The following ELOVL5 variants were observed in gnomAD, a reference collection of about 807,000 sequenced individuals.
ELOVL5 encodes the protein ELOVL fatty acid elongase 5.
A neutral mutation model predicts 38.6 loss-of-function variants in ELOVL5; 8 were observed. That is an observed-to-expected ratio of 0.21 (90% CI 0.12 to 0.37). The LOEUF (loss-of-function observed/expected upper bound fraction) is 0.37, where lower values mean the gene tolerates loss of function less well. ELOVL5 is among the 10% of genes least tolerant of loss of function. ELOVL5 has a pLI of 1.00. For missense variants in ELOVL5, 280 were observed against 367.8 expected, an observed-to-expected ratio of 0.76 and a Z score of 1.95; for synonymous variants, 127 against 133.7, an observed-to-expected ratio of 0.95 and a Z score of 0.34.
At chr6:53,290,242 G>C (rs1766724493) in intron 3 of ELOVL5, 1 of 152,196 alleles carries the variant, frequency 6.6e-6, no homozygotes, top group African/African-American at 2.4e-5. Context: ...TAGGGCTTAA[G>C]AAACATTTAA....
chr6:53,302,615 T>A (rs894538953), intron 1 of ELOVL5, among the ~76,000 whole-genome samples: 4 of 151,576 alleles, frequency 2.6e-5, no homozygotes, highest in African/African-American at 9.7e-5. Context: ...AAATCTGTTT[T>A]AAAAGGTATC....
chr6:53,278,380 G>A (rs573208949), intron 3 of ELOVL5, among the ~76,000 whole-genome samples: 3 of 152,238 alleles, frequency 2.0e-5, no homozygotes, highest in African/African-American at 4.8e-5. Context: ...TTCTGCAGGC[G>A]CCTCAATCCC....
chr6:53,302,584 A>G (rs1767301516), intron 1 of ELOVL5, among the ~76,000 whole-genome samples: 1 of 152,158 alleles, frequency 6.6e-6, no homozygotes, highest in South Asian at 2.1e-4. Context: ...CAGCAAAGGA[A>G]AAGTACTGGG....
At position 53,291,889 on chromosome 6, in the gene ELOVL5, T is replaced by A; in HGVS notation, c.133A>T (p.Ile45Phe). ...TFICSVIYLL[I>F]VWLGPKYMRN... Reference sequence around the variant, plus strand: ...ATGTATTTTGGTCCCAGCCATACAATTAGTAAATATATGACAGAGCAGATA... The same window carrying A: ...ATGTATTTTGGTCCCAGCCATACAAATAGTAAATATATGACAGAGCAGATA... The change falls in exon 3 of 8, where the codon ATT becomes TTT. Residue 45 changes from isoleucine (I) to phenylalanine (F), a missense_variant. Around this residue, in one of 3 missense-constraint regions of ELOVL5, gnomAD observed 150 missense variants for 178.0 expected, o/e 0.84. Coordinates refer to ENST00000304434, the MANE Select transcript of ELOVL5 (RefSeq NM_021814.5). 1 of 1,613,122 alleles carries A rather than the reference T, an allele frequency of 6.2e-7. No homozygotes were observed. The highest frequency in any genetic ancestry group is 8.5e-7 in the Non-Finnish European group (1 of 1,179,124).
At chr6:53,307,994 C>G (rs1428358312) in intron 1 of ELOVL5, among the ~76,000 whole-genome samples, 2 of 152,112 alleles carry the variant, frequency 1.3e-5, no homozygotes, top group Non-Finnish European at 2.9e-5. Context: ...TGCAGTCTCT[C>G]AAGAGGACAT....
intron 1 of ELOVL5, among the ~76,000 whole-genome samples, chr6:53,320,372 T>C (rs1168650938): frequency 6.6e-6 from 1 of 151,954 alleles, no homozygotes; most frequent in Non-Finnish European, 1.5e-5. Context: ...AGTTGCGCTC[T>C]GTCGCCCAGG....
chr6:53,312,875 G>A (rs1767899760), intron 1 of ELOVL5, among the ~76,000 whole-genome samples: 1 of 152,222 alleles, frequency 6.6e-6, no homozygotes, highest in African/African-American at 2.4e-5. Context: ...GAAGGTTTAT[G>A]TTGGCAAGGA....
chr6:53,321,910 G>A (rs929541422), intron 1 of ELOVL5, among the ~76,000 whole-genome samples: 13 of 152,132 alleles, frequency 8.5e-5, no homozygotes, highest in Non-Finnish European at 1.6e-4. Context: ...GCTGGTATTT[G>A]TTAACAGGTC....
intron 1 of ELOVL5, among the ~76,000 whole-genome samples, chr6:53,340,325 G>C (rs1769273834): frequency 6.6e-6 from 1 of 152,002 alleles, no homozygotes; most frequent in Admixed American, 6.6e-5. Context: ...GGTCTTAAAT[G>C]CCTGGTCCCA....
At chr6:53,341,490 T>C (rs1452990667) in intron 1 of ELOVL5, among the ~76,000 whole-genome samples, 1 of 152,220 alleles carries the variant, frequency 6.6e-6, no homozygotes, top group Non-Finnish European at 1.5e-5. Flanking sequence ...TAGCTGTGGA[T>C]ATTTGGACAA....
intron 6 of ELOVL5, among the ~76,000 whole-genome samples, chr6:53,271,118 G>A (rs999998116): frequency 5.3e-5 from 8 of 152,186 alleles, no homozygotes; most frequent in Admixed American, 2.6e-4. Flanking sequence ...ATCCATGGAC[G>A]CTTCTGGTTT....
chr6:53,336,537 T>A (rs1033351808), intron 1 of ELOVL5, among the ~76,000 whole-genome samples: 1 of 152,190 alleles, frequency 6.6e-6, no homozygotes, highest in Non-Finnish European at 1.5e-5. Flanking sequence ...GGTGCTTGCC[T>A]GTAGTCCCAG....
rs1766776698 is a variant in ELOVL5 at position 53,291,602 on chromosome 6, C to T, written c.246+174G>A. Among the ~76,000 whole-genome samples, 7 of 152,184 alleles carry T rather than the reference C, an allele frequency of 4.6e-5. No individual in the cohort carries two copies. In the South Asian group the frequency reaches 1.4e-3, roughly 32 times the overall value. Reference sequence around the variant, plus strand: ...CTAGAAGGCATACTTGTACAAACAACTCTGACATTTTGAAAAATCGATTTT... The same window carrying T: ...CTAGAAGGCATACTTGTACAAACAATTCTGACATTTTGAAAAATCGATTTT... On this transcript the variant is annotated intron_variant, in intron 3 of 7. Coordinates refer to ENST00000304434, the MANE Select transcript of ELOVL5 (RefSeq NM_021814.5).
chr6:53,304,066 GAACA>G (rs1246686438), intron 1 of ELOVL5, among the ~76,000 whole-genome samples: 3 of 152,136 alleles, frequency 2.0e-5, no homozygotes, highest in Non-Finnish European at 4.4e-5. Context: ...GGTATTATGG[GAACA>G]AACTCTGCAA....
At chr6:53,321,739 T>C (rs954530542) in intron 1 of ELOVL5, among the ~76,000 whole-genome samples, 4 of 152,190 alleles carry the variant, frequency 2.6e-5, no homozygotes, top group Non-Finnish European at 5.9e-5. Flanking sequence ...ATGTCAGAAA[T>C]ATAAATCATA....
At chr6:53,270,962 C>T (rs962517300) in intron 6 of ELOVL5, among the ~76,000 whole-genome samples, 2 of 152,214 alleles carry the variant, frequency 1.3e-5, no homozygotes, top group African/African-American at 4.8e-5. Context: ...AAACTACCTT[C>T]TCCAAATTTC....
intron 1 of ELOVL5, among the ~76,000 whole-genome samples, chr6:53,322,379 G>C (rs1453460765): frequency 6.6e-6 from 1 of 152,170 alleles, no homozygotes; most frequent in Non-Finnish European, 1.5e-5. Context: ...ATCAGTAGCT[G>C]AGTCAGCCAA....
chr6:53,346,078 T>C (rs773824318), intron 1 of ELOVL5, among the ~76,000 whole-genome samples: 1 of 152,064 alleles, frequency 6.6e-6, no homozygotes, highest in Non-Finnish European at 1.5e-5. Context: ...CACCACCCGA[T>C]AGGCCCGGGT....
intron 1 of ELOVL5, among the ~76,000 whole-genome samples, chr6:53,306,775 T>A (rs1443625442): frequency 6.6e-6 from 1 of 152,216 alleles, no homozygotes; most frequent in African/African-American, 2.4e-5. Context: ...AATTTTCTTT[T>A]GAAACTAGAA....
Sources: allele counts gnomAD v4.1 joint callset (sites outside exome capture counted in the v4.1 genomes callset), GRCh38; gene constraint gnomAD v4.1.1; regional missense constraint gnomAD v4.1.1; transcripts MANE v1.5; gene names NCBI Gene and HGNC (gene_info 2026-07-23, HGNC 2026-07-21).